The following GRIN2B variants were observed in gnomAD, a reference collection of about 807,000 sequenced individuals.
GRIN2B encodes glutamate ionotropic receptor NMDA type subunit 2B.
In GRIN2B, 5 loss-of-function variants were observed where a neutral mutation model predicts 114.5. The ratio of observed to expected loss-of-function variants is 0.04; its 90% CI spans 0.02 to 0.09. GRIN2B has a LOEUF of 0.09. Among genes scored for constraint, GRIN2B ranks in the 10% least tolerant of loss-of-function variants. The pLI, the probability that GRIN2B is intolerant of heterozygous loss-of-function variation, is 1.00. For missense variants in GRIN2B, 1,108 were observed against 1,943.5 expected (o/e 0.57, Z 8.08); for synonymous variants, 787 against 745.1 (o/e 1.06, Z -0.92).
intron 4 of GRIN2B, among the ~76,000 whole-genome samples, chr12:13,716,519 C>CCATG (rs767898338): frequency 2.6e-5 from 4 of 151,762 alleles, no homozygotes; most frequent in Non-Finnish European, 5.9e-5. Flanking sequence ...CCTAAATGGG[C>CCATG]CATGCATTTC....
intron 3 of GRIN2B, among the ~76,000 whole-genome samples, chr12:13,810,403 T>C (rs538308295): frequency 1.3e-5 from 2 of 152,024 alleles, no homozygotes; most frequent in African/African-American, 4.8e-5. Flanking sequence ...TGTCCTCTAC[T>C]AAAAAGTTTC....
intron 2 of GRIN2B, among the ~76,000 whole-genome samples, chr12:13,975,818 G>A (rs1863009438): frequency 6.6e-6 from 1 of 152,216 alleles, no homozygotes; most frequent in Non-Finnish European, 1.5e-5. Context: ...AGAAGCATGA[G>A]CACATGCTGG....
intron 3 of GRIN2B, among the ~76,000 whole-genome samples, chr12:13,775,968 C>T (rs1458769908): frequency 6.6e-6 from 1 of 152,140 alleles, no homozygotes; most frequent in African/African-American, 2.4e-5. Context: ...TATAAAGACA[C>T]ATGTACACGT....
chr12:13,728,281 G>A (rs1436270450), intron 4 of GRIN2B, among the ~76,000 whole-genome samples: 1 of 152,020 alleles, frequency 6.6e-6, no homozygotes, highest in Non-Finnish European at 1.5e-5. Context: ...ACTAACTTTG[G>A]GGTATGGGAA....
At position 13,563,703 on chromosome 12, in the gene GRIN2B, T is replaced by A. The variant is rs1409637036; in HGVS notation, c.3535A>T (p.Ile1179Phe). The A allele has an allele frequency of 1.9e-6, 3 of 1,613,578 alleles. No individual in the cohort carries two copies. The highest frequency in any genetic ancestry group is 2.7e-5 in the African/African-American group (2 of 74,944). ...GGGPCTNRSH[I>F]KHGTGDKHGV... ...TGTTTGTCGCCCGTCCCGTGCTTGA[T>A]GTGAGACCTGTTGGTACAGGGCCCT... is the stretch of plus-strand genomic sequence containing the variant. Residue 1179 changes from isoleucine to phenylalanine, a missense_variant, in exon 14 of 14, where the codon ATC becomes TTC. By Grantham distance (21) the Ile-to-Phe change is conservative (BLOSUM62 0). Coordinates refer to ENST00000609686, the MANE Select transcript of GRIN2B (RefSeq NM_000834.5).
chr12:13,897,984 G>GTA (rs1186073984), intron 2 of GRIN2B, among the ~76,000 whole-genome samples: 35 of 126,158 alleles, frequency 2.8e-4, no homozygotes, highest in African/African-American at 1.1e-3. Context: ...AAAACTTAAA[G>GTA]TATAATAATA....
intron 2 of GRIN2B, among the ~76,000 whole-genome samples, chr12:13,946,386 C>G (rs1010099621): frequency 1.3e-5 from 2 of 152,114 alleles, no homozygotes; most frequent in Admixed American, 1.3e-4. Flanking sequence ...TAAGATTAAC[C>G]CTTTTTTTAA....
intron 4 of GRIN2B, among the ~76,000 whole-genome samples, chr12:13,744,486 T>C (rs2268121): frequency 0.32 from 49,090 of 151,912 alleles, 8,795 homozygotes; most frequent in East Asian, 0.59. Flanking sequence ...GCAAGAAAGG[T>C]TTTAAAAGCT....
At chr12:13,782,938 T>C (rs1049991545) in intron 3 of GRIN2B, among the ~76,000 whole-genome samples, 10 of 152,334 alleles carry the variant, frequency 6.6e-5, no homozygotes, top group African/African-American at 2.4e-4. Flanking sequence ...GGAATGGGGA[T>C]ACACTGTGTA....
intron 4 of GRIN2B, among the ~76,000 whole-genome samples, chr12:13,694,646 A>T (rs1187223004): frequency 8.2e-6 from 1 of 121,456 alleles, no homozygotes. Context: ...TCTATTGTGC[A>T]AGAAAATGTC....
intron 2 of GRIN2B, among the ~76,000 whole-genome samples, chr12:13,951,899 G>A (rs1274208142): frequency 6.6e-6 from 1 of 152,164 alleles, no homozygotes; most frequent in African/African-American, 2.4e-5. Flanking sequence ...AGAAAGAGAA[G>A]AGGGGAGAAA....
At chr12:13,923,524 G>T (rs377708513) in intron 2 of GRIN2B, among the ~76,000 whole-genome samples, 1 of 152,170 alleles carries the variant, frequency 6.6e-6, no homozygotes, top group African/African-American at 2.4e-5. Flanking sequence ...GACCTCTATG[G>T]TACATTGTCT....
At chr12:13,661,206 C>A (rs1949919439) in intron 5 of GRIN2B, among the ~76,000 whole-genome samples, 1 of 152,168 alleles carries the variant, frequency 6.6e-6, no homozygotes. Context: ...AAAGCTCATG[C>A]CTGTGAAGCC....
chr12:13,893,016 C>A (rs767784040), intron 2 of GRIN2B, among the ~76,000 whole-genome samples: 26 of 152,268 alleles, frequency 1.7e-4, no homozygotes, highest in Non-Finnish European at 3.5e-4. Flanking sequence ...TGACCAAAAC[C>A]ATCCCTGTGA....
At chr12:13,746,108 A>C (rs570335493) in intron 4 of GRIN2B, among the ~76,000 whole-genome samples, 2 of 152,234 alleles carry the variant, frequency 1.3e-5, no homozygotes, top group South Asian at 4.2e-4. Context: ...AGGGACAGAG[A>C]GTGCTTGGGA....
intron 2 of GRIN2B, among the ~76,000 whole-genome samples, chr12:13,925,116 A>G (rs530107871): frequency 2.0e-5 from 3 of 152,336 alleles, no homozygotes; most frequent in African/African-American, 7.2e-5. Context: ...CACTAAGAGG[A>G]CAATGAAAAA....
chr12:13,861,070 A>AG (rs1190025006), intron 3 of GRIN2B, among the ~76,000 whole-genome samples: 59 of 152,342 alleles, frequency 3.9e-4, no homozygotes, highest in African/African-American at 1.4e-3. Context: ...TAAGGTGTAT[A>AG]GGGCAGAACA....
At chr12:13,825,065 A>G (rs1402459986) in intron 3 of GRIN2B, among the ~76,000 whole-genome samples, 1 of 151,968 alleles carries the variant, frequency 6.6e-6, no homozygotes, top group South Asian at 2.1e-4. Context: ...ATTTAATTTT[A>G]TAAATGTCCC....
chr12:13,593,359 G>A (rs1418189612), intron 10 of GRIN2B, among the ~76,000 whole-genome samples: 5 of 152,048 alleles, frequency 3.3e-5, no homozygotes, highest in African/African-American at 1.2e-4. Flanking sequence ...ATAGACCAAT[G>A]GAACAGAACA....
Sources: allele counts gnomAD v4.1 joint callset (sites outside exome capture counted in the v4.1 genomes callset), GRCh38; gene constraint gnomAD v4.1.1; transcripts MANE v1.5; gene names NCBI Gene and HGNC (gene_info 2026-07-23, HGNC 2026-07-21).